Variants in CASK observed in about 807,000 individuals in gnomAD.
The protein encoded by CASK is calcium/calmodulin dependent serine protein kinase.
A neutral mutation model predicts 82.9 loss-of-function variants in CASK; 4 were observed. The ratio of observed to expected loss-of-function variants is 0.05; its 90% CI spans 0.02 to 0.11. CASK has a LOEUF of 0.11. Ranked by LOEUF, CASK falls within the 10% of genes least tolerant of loss-of-function variation. CASK has a pLI of 1.00. For missense variants in CASK, 358 were observed against 720.9 expected, an observed-to-expected ratio of 0.50 and a Z score of 5.76; for synonymous variants, 259 against 253.5, an observed-to-expected ratio of 1.02 and a Z score of -0.20.
At chrX:41,747,564 A>G (rs780511186) in intron 3 of CASK, among the ~76,000 whole-genome samples, 99 of 111,064 alleles carry the variant, frequency 8.9e-4, no homozygotes, top group Non-Finnish European at 1.1e-3. Flanking sequence ...CCAGCCTCCC[A>G]AGTAGCTGGC....
intron 3 of CASK, among the ~76,000 whole-genome samples, chrX:41,764,205 T>TA (rs1349734214): frequency 2.7e-5 from 3 of 111,000 alleles, no homozygotes; most frequent in East Asian, 5.7e-4. Flanking sequence ...TTGTTCCTGA[T>TA]ACACTTTTTT....
chrX:41,577,662 G>A (rs1215786946), intron 15 of CASK, among the ~76,000 whole-genome samples: 1 of 111,102 alleles, frequency 9.0e-6, no homozygotes, highest in Non-Finnish European at 1.9e-5. Context: ...TGTGCTATTT[G>A]GTTTGCTGAA....
At chrX:41,780,944 C>T (rs747209485) in intron 3 of CASK, among the ~76,000 whole-genome samples, 7 of 110,699 alleles carry the variant, frequency 6.3e-5, no homozygotes, top group East Asian at 2.8e-4. Flanking sequence ...CCACCAAGTC[C>T]GGCTTATTAT....
chrX:41,618,476 GT>G (rs1229215511), intron 11 of CASK, among the ~76,000 whole-genome samples: 2 of 110,920 alleles, frequency 1.8e-5, no homozygotes, highest in East Asian at 2.8e-4. Flanking sequence ...TTTTTAAAAA[GT>G]TTTTTGTAGA....
At chrX:41,707,722 G>A (rs1472586180) in intron 5 of CASK, among the ~76,000 whole-genome samples, 1 of 111,527 alleles carries the variant, frequency 9.0e-6, no homozygotes, top group African/African-American at 3.3e-5. Flanking sequence ...GAGACAGAAT[G>A]TACCTTCCAA....
intron 1 of CASK, among the ~76,000 whole-genome samples, chrX:41,880,245 T>G (rs756338640): frequency 8.9e-6 from 1 of 111,897 alleles, no homozygotes; most frequent in Admixed American, 9.5e-5. Flanking sequence ...AAAGAGGGCT[T>G]CTGGTAACAT....
At chrX:41,585,331 T>A (rs1461640304) in intron 14 of CASK, 1 of 113,013 alleles carries the variant, frequency 8.8e-6, no homozygotes, top group African/African-American at 3.2e-5. Flanking sequence ...TATACTTGAA[T>A]TCAGCCTTTA....
chrX:41,914,227 C>T (rs2072631309), intron 1 of CASK, among the ~76,000 whole-genome samples: 1 of 111,933 alleles, frequency 8.9e-6, no homozygotes, highest in Admixed American at 9.5e-5. Flanking sequence ...TATTATTAAA[C>T]TACATGAGAG....
At chrX:41,880,071 T>G (rs1163485608) in intron 1 of CASK, among the ~76,000 whole-genome samples, 1 of 112,022 alleles carries the variant, frequency 8.9e-6, no homozygotes, top group Non-Finnish European at 1.9e-5. Flanking sequence ...CTTCTACAAT[T>G]TTGGAAGCTG....
chrX:41,696,767 T>C (rs778446057), intron 5 of CASK: 1 of 1,150,563 alleles, frequency 8.7e-7, no homozygotes, highest in East Asian at 3.0e-5. Context: ...AGTCTAGTTC[T>C]AAAAGTACTT....
chrX:41,698,056 C>A (rs1464729155), intron 5 of CASK: 1 of 111,470 alleles, frequency 9.0e-6, no homozygotes, highest in South Asian at 3.8e-4. Context: ...CCTGCCTCAG[C>A]CTCCCAAAGT....
rs189748628 is a variant in CASK at position 41,758,328 on chromosome X, G to A, written c.279-12727C>T. ...CAGGCATCTGTAATCCCAGCTATTC[G>A]GGAGGCTGAGGCAGTAGAATTGCTT... On this transcript the variant is annotated intron_variant, in intron 3 of 26. Coordinates refer to ENST00000378163, the MANE Select transcript of CASK (RefSeq NM_001367721.1). Among the ~76,000 whole-genome samples the A allele has an allele frequency of 4.5e-3, 494 of 108,916 alleles. 4 individuals are homozygous for A. Among genetic ancestry groups the A allele is most frequent in the Non-Finnish European group, 8.2e-3 (430 of 52,318 alleles). The allele number at this position is 108,916 out of a possible 115,157, so 94.6% of individuals were successfully genotyped here.
chrX:41,532,488 T>G (rs1479048061), intron 24 of CASK, among the ~76,000 whole-genome samples: 2 of 111,899 alleles, frequency 1.8e-5, no homozygotes, highest in Non-Finnish European at 3.8e-5. Flanking sequence ...AGGACCAGTA[T>G]CCTGCAAAAC....
At chrX:41,836,271 C>A (rs1320079891) in intron 2 of CASK, among the ~76,000 whole-genome samples, 3 of 111,566 alleles carry the variant, frequency 2.7e-5, no homozygotes, top group Non-Finnish European at 3.8e-5. Context: ...ATGAGCAAAA[C>A]AATAATTAAA....
At chrX:41,895,192 C>T (rs1166928565) in intron 1 of CASK, among the ~76,000 whole-genome samples, 3 of 111,444 alleles carry the variant, frequency 2.7e-5, no homozygotes, top group Non-Finnish European at 5.7e-5. Context: ...ACTTTACCAA[C>T]GAGGAAATCA....
chrX:41,903,431 T>C (rs1219621199), intron 1 of CASK, among the ~76,000 whole-genome samples: 1 of 111,943 alleles, frequency 8.9e-6, no homozygotes, highest in East Asian at 2.8e-4. Flanking sequence ...AGGTAAACAA[T>C]GTAACAGAGA....
At chrX:41,765,999 T>C (rs951783324) in intron 3 of CASK, among the ~76,000 whole-genome samples, 2 of 112,366 alleles carry the variant, frequency 1.8e-5, no homozygotes, top group Non-Finnish European at 3.8e-5. Flanking sequence ...TTGCAGAATG[T>C]TAATTTTGGG....
chrX:41,876,731 C>T (rs2071830316), intron 1 of CASK, among the ~76,000 whole-genome samples: 1 of 112,126 alleles, frequency 8.9e-6, no homozygotes, highest in South Asian at 3.7e-4. Context: ...TTTAACACTG[C>T]ATATTGATTT....
chrX:41,836,290 A>T (rs1451475185), intron 2 of CASK, among the ~76,000 whole-genome samples: 4 of 112,425 alleles, frequency 3.6e-5, no homozygotes, highest in Non-Finnish European at 7.5e-5. Flanking sequence ...AATGACTATT[A>T]TGATCAGGAA....
Sources: gnomAD v4.1 joint callset for allele counts (sites outside exome capture counted in the v4.1 genomes callset) on GRCh38, gnomAD v4.1.1 for gene constraint, MANE v1.5 for transcripts, NCBI Gene and HGNC (gene_info 2026-07-23, HGNC 2026-07-21) for gene names.